The following PDE10A variants were observed in gnomAD, a reference collection of about 807,000 sequenced individuals.
PDE10A encodes cAMP and cAMP-inhibited cGMP 3',5'-cyclic phosphodiesterase 10A.
In PDE10A, 39 loss-of-function variants were observed where a neutral mutation model predicts 97.7. The ratio of observed to expected loss-of-function variants is 0.40; its 90% CI spans 0.31 to 0.52. The LOEUF is 0.52. PDE10A is among the 20% of genes least tolerant of loss of function. The pLI is 0.56. For synonymous variants in PDE10A, 371 were observed against 376.8 expected, an observed-to-expected ratio of 0.98 and a Z score of 0.18; for missense variants, 731 against 1,047.8, an observed-to-expected ratio of 0.70 and a Z score of 4.17.
intron 1 of PDE10A, among the ~76,000 whole-genome samples, chr6:165,924,286 T>C (rs964453379): frequency 1.3e-5 from 2 of 152,160 alleles, no homozygotes; most frequent in African/African-American, 2.4e-5. Flanking sequence ...CCATTTTGGA[T>C]AGAACATCTT....
chr6:165,875,746 T>TTTTTTGTGTG (rs780504850), intron 1 of PDE10A, among the ~76,000 whole-genome samples: 14 of 147,014 alleles, frequency 9.5e-5, no homozygotes, highest in African/African-American at 2.6e-4. Flanking sequence ...TTTTTTTTTT[T>TTTTTTGTGTG]TGTGTGTGTG....
At chr6:165,887,935 G>T (rs1781672748) in intron 1 of PDE10A, among the ~76,000 whole-genome samples, 1 of 152,146 alleles carries the variant, frequency 6.6e-6, no homozygotes, top group Admixed American at 6.5e-5. Flanking sequence ...GGCCCTACCT[G>T]ATCTGCCTCC....
At position 165,780,083 on chromosome 6, in the gene PDE10A, A is replaced by G. The variant is rs1778304180; in HGVS notation, c.-615+207446T>C. 2.6e-5 allele frequency among the ~76,000 whole-genome samples: 4 copies of G among 152,284 alleles called. No homozygotes were observed. The South Asian group carries it at 8.3e-4, about 32-fold the overall frequency. ...GTTTTTCCCTTCTCAGATTATTTAC[A>G]TTTGTATCTTTAAGTGGTACAAGTT... On this transcript the variant is annotated intron_variant, in intron 1 of 19. Coordinates refer to the PDE10A transcript ENST00000366882.
At chr6:165,683,306 C>T (rs1458120058) in intron 1 of PDE10A, among the ~76,000 whole-genome samples, 3 of 152,174 alleles carry the variant, frequency 2.0e-5, no homozygotes, top group Non-Finnish European at 4.4e-5. Context: ...GCATCAGAGA[C>T]ATGGGCTTCC....
intron 1 of PDE10A, among the ~76,000 whole-genome samples, chr6:165,836,169 T>C (rs949189244): frequency 2.0e-5 from 3 of 152,214 alleles, no homozygotes; most frequent in Non-Finnish European, 2.9e-5. Flanking sequence ...TTGTTGTGAC[T>C]GGTGAGAAGC....
At chr6:165,397,148 C>G (rs1786234956) in intron 13 of PDE10A, among the ~76,000 whole-genome samples, 1 of 152,052 alleles carries the variant, frequency 6.6e-6, no homozygotes, top group Admixed American at 6.6e-5. Flanking sequence ...TCTTGTGTAT[C>G]TGTATCTGTG....
At chr6:165,875,741 T>TG (rs1781321911) in intron 1 of PDE10A, among the ~76,000 whole-genome samples, 4 of 36,718 alleles carry the variant, frequency 1.1e-4, no homozygotes, top group Non-Finnish European at 2.3e-4. Context: ...GTTTTTTTTT[T>TG]TTTTTTGTGT....
At chr6:165,646,191 T>C (rs1789389899) in intron 1 of PDE10A, among the ~76,000 whole-genome samples, 1 of 152,206 alleles carries the variant, frequency 6.6e-6, no homozygotes, top group South Asian at 2.1e-4. Flanking sequence ...TTATAGACCT[T>C]GTCATGAAGT....
intron 1 of PDE10A, among the ~76,000 whole-genome samples, chr6:165,785,028 A>G (rs1217371038): frequency 6.6e-6 from 1 of 152,246 alleles, no homozygotes; most frequent in Non-Finnish European, 1.5e-5. Context: ...AGGATAGATC[A>G]TCATGGATTG....
intron 10 of PDE10A, among the ~76,000 whole-genome samples, chr6:165,425,977 A>T (rs1789126628): frequency 6.6e-6 from 1 of 152,132 alleles, no homozygotes; most frequent in African/African-American, 2.4e-5. Flanking sequence ...AAATAGGAAT[A>T]AATTGGCCAA....
intron 1 of PDE10A, among the ~76,000 whole-genome samples, chr6:165,629,099 T>C (rs1788514490): frequency 6.6e-6 from 1 of 152,016 alleles, no homozygotes; most frequent in Non-Finnish European, 1.5e-5. Flanking sequence ...TGGGAGGATA[T>C]AATGACTAAG....
At chr6:165,691,192 TCTCTC>T (rs1791281245) in intron 1 of PDE10A, among the ~76,000 whole-genome samples, 1 of 48,830 alleles carries the variant, frequency 2.0e-5, no homozygotes, top group Non-Finnish European at 4.1e-5. Context: ...TCTCTCCCTC[TCTCTC>T]TCTCCCCACA....
chr6:165,511,544 A>AT (rs774240555), intron 2 of PDE10A, among the ~76,000 whole-genome samples: 48 of 151,998 alleles, frequency 3.2e-4, no homozygotes, highest in Non-Finnish European at 6.3e-4. Context: ...TCCAAACACC[A>AT]GTTTAAACAC....
At chr6:165,353,587 T>G (rs1012067389) in intron 18 of PDE10A, among the ~76,000 whole-genome samples, 1 of 152,150 alleles carries the variant, frequency 6.6e-6, no homozygotes, top group Non-Finnish European at 1.5e-5. Context: ...TGAAAAGACA[T>G]GGAAGAAACT....
chr6:165,826,859 C>A (rs2128470298), intron 1 of PDE10A, among the ~76,000 whole-genome samples: 1 of 151,180 alleles, frequency 6.6e-6, no homozygotes, highest in Admixed American at 6.6e-5. Context: ...CAGGAGGTGG[C>A]ACTGAGGGAG....
At chr6:165,511,292 T>C (rs1238634755) in intron 2 of PDE10A, among the ~76,000 whole-genome samples, 1 of 152,032 alleles carries the variant, frequency 6.6e-6, no homozygotes, top group Non-Finnish European at 1.5e-5. Context: ...CAATGGTTAT[T>C]TGGGAGTATC....
At chr6:165,714,959 C>A (rs113616082) in intron 1 of PDE10A, among the ~76,000 whole-genome samples, 1 of 152,214 alleles carries the variant, frequency 6.6e-6, no homozygotes, top group South Asian at 2.1e-4. Context: ...CCCTTGCTCT[C>A]CGCAAAGCCC....
chr6:165,869,566 T>C (rs923648377), intron 1 of PDE10A, among the ~76,000 whole-genome samples: 3 of 152,114 alleles, frequency 2.0e-5, no homozygotes, highest in African/African-American at 2.4e-5. Flanking sequence ...AAAATACCAA[T>C]AACATTCTTT....
At chr6:165,902,157 G>A (rs1049044140) in intron 1 of PDE10A, among the ~76,000 whole-genome samples, 9 of 152,200 alleles carry the variant, frequency 5.9e-5, no homozygotes, top group African/African-American at 2.2e-4. Context: ...TTAGATTTCT[G>A]TCTGACAAGC....
Sources: gnomAD v4.1 joint callset for allele counts (sites outside exome capture counted in the v4.1 genomes callset) on GRCh38, gnomAD v4.1.1 for gene constraint, MANE v1.5 for transcripts, NCBI Gene and HGNC (gene_info 2026-07-23, HGNC 2026-07-21) for gene names.